PRKN: variants seen among roughly 807,000 people sequenced by gnomAD.
PRKN encodes the protein E3 ubiquitin-protein ligase parkin.
Under a neutral mutation model 59.5 loss-of-function variants are expected in PRKN, and 56 were observed. The ratio of observed to expected loss-of-function variants is 0.94; its 90% CI spans 0.76 to 1.18. PRKN has a LOEUF of 1.18. PRKN is among the 50% of genes most tolerant of loss of function. The pLI is 0.00. For synonymous variants in PRKN, 250 were observed against 222.1 expected (o/e 1.13, Z -1.12); for missense variants, 657 against 596.4 (o/e 1.10, Z -1.06).
intron 2 of PRKN, among the ~76,000 whole-genome samples, chr6:162,304,529 AT>A: frequency 8.6e-6 from 1 of 116,382 alleles, no homozygotes; most frequent in Non-Finnish European, 1.7e-5. Flanking sequence ...CTATCTATCT[AT>A]CTATCTATCT....
At chr6:162,603,971 G>A (rs1173028196) in intron 1 of PRKN, among the ~76,000 whole-genome samples, 2 of 152,134 alleles carry the variant, frequency 1.3e-5, no homozygotes, top group African/African-American at 2.4e-5. Flanking sequence ...TTAACACTGC[G>A]AGGATGGATA....
At chr6:162,275,962 C>T (rs1780619583) in intron 2 of PRKN, among the ~76,000 whole-genome samples, 1 of 152,150 alleles carries the variant, frequency 6.6e-6, no homozygotes, top group South Asian at 2.1e-4. Context: ...TGACAAGAGA[C>T]TCCAGTCTGC....
At chr6:162,338,937 G>T (rs1469742691) in intron 2 of PRKN, among the ~76,000 whole-genome samples, 4 of 150,228 alleles carry the variant, frequency 2.7e-5, no homozygotes, top group African/African-American at 9.8e-5. Flanking sequence ...GCCTCTGCCC[G>T]GCCGCGACCC....
intron 2 of PRKN, among the ~76,000 whole-genome samples, chr6:162,306,463 T>A (rs1583348825): frequency 6.6e-6 from 1 of 152,096 alleles, no homozygotes; most frequent in Non-Finnish European, 1.5e-5. Flanking sequence ...TCATTACATG[T>A]TATTCTTTCC....
intron 2 of PRKN, among the ~76,000 whole-genome samples, chr6:162,312,020 T>C (rs963042351): frequency 5.9e-5 from 9 of 152,002 alleles, no homozygotes; most frequent in African/African-American, 2.2e-4. Context: ...ACCATGCATA[T>C]ATGTGTGTGT....
At chr6:161,653,197 T>C (rs6455754) in intron 7 of PRKN, among the ~76,000 whole-genome samples, 110,189 of 151,816 alleles carry the variant, frequency 0.73, 41,823 homozygotes, top group African/African-American at 0.93. Flanking sequence ...CCCGTCTCTA[T>C]TAAAAATACA....
At chr6:162,376,339 G>T (rs1218124019) in intron 2 of PRKN, among the ~76,000 whole-genome samples, 3 of 152,086 alleles carry the variant, frequency 2.0e-5, no homozygotes, top group Non-Finnish European at 4.4e-5. Context: ...CACTAGAGTG[G>T]CAAATTGTAT....
rs766605196 is a variant in PRKN at position 161,825,309 on chromosome 6, TTTC to T, written c.735-39404_735-39402del. Among the ~76,000 whole-genome samples the T allele has an allele frequency of 1.6e-4, 24 of 151,854 alleles. No homozygotes were observed. The Middle Eastern group carries it at 0.01, about 65-fold the overall frequency. ...TTTAAAATTTATAATCTGTTGTAAT[TTTC>T]TTATTATCAATTATAGTAATACTTT... On this transcript the variant is annotated intron_variant, in intron 6 of 11. Transcript: ENST00000366898.
chr6:161,986,071 C>T (rs1781425387), intron 5 of PRKN, among the ~76,000 whole-genome samples: 1 of 152,162 alleles, frequency 6.6e-6, no homozygotes, highest in African/African-American at 2.4e-5. Flanking sequence ...GTCAGTTTAC[C>T]ATTGCCATGG....
intron 2 of PRKN, among the ~76,000 whole-genome samples, chr6:162,323,237 A>G (rs1325860527): frequency 1.3e-5 from 2 of 151,978 alleles, no homozygotes; most frequent in African/African-American, 4.8e-5. Flanking sequence ...TAAAAAAAAA[A>G]TGAACTTGAA....
intron 3 of PRKN, among the ~76,000 whole-genome samples, chr6:162,226,011 G>A (rs1295604095): frequency 6.8e-6 from 1 of 147,482 alleles, no homozygotes; most frequent in Admixed American, 6.8e-5. Context: ...TGGAAGCAAT[G>A]ATCCCCCAGG....
At chr6:161,896,030 T>C (rs1777613148) in intron 6 of PRKN, among the ~76,000 whole-genome samples, 1 of 151,820 alleles carries the variant, frequency 6.6e-6, no homozygotes, top group Non-Finnish European at 1.5e-5. Context: ...GAAGGGAAAA[T>C]CCCCTCAGCA....
intron 5 of PRKN, among the ~76,000 whole-genome samples, chr6:162,030,832 A>C (rs1164880402): frequency 6.6e-6 from 1 of 152,192 alleles, no homozygotes; most frequent in African/African-American, 2.4e-5. Context: ...AGAATTAACG[A>C]AACATCTCTA....
At chr6:162,385,139 C>T (rs1190375699) in intron 2 of PRKN, among the ~76,000 whole-genome samples, 1 of 152,050 alleles carries the variant, frequency 6.6e-6, no homozygotes, top group Non-Finnish European at 1.5e-5. Flanking sequence ...CATCAAGATA[C>T]TTATGGAACT....
rs549865157 is a variant in PRKN at position 162,552,513 on chromosome 6, G to A, written c.8-109040C>T. ...AAAATCCATCAAGTCTTTTTACTTC[G>A]GCAATTATGTGGAATGAGTTGTCAT... On this transcript the variant is annotated intron_variant, in intron 1 of 11. Transcript: ENST00000366898. Among the ~76,000 whole-genome samples, 11 of 152,126 alleles carry A rather than the reference G, an allele frequency of 7.2e-5. No homozygotes were observed. In the South Asian group the frequency reaches 8.3e-4, roughly 11 times the overall value.
In PRKN at chr6:161,553,573, C is replaced by T. The variant is rs1214800709; in HGVS notation, c.934-4570G>A. 2.0e-5 allele frequency among the ~76,000 whole-genome samples: 3 copies of T among 152,138 alleles called. No homozygotes were observed. The East Asian group carries it at 5.8e-4, about 29-fold the overall frequency. ...CTTAGCAGTCATTAATATTCAGTAA[C>T]TAGATTAATTTATTGGGATTGAAAA... On this transcript the variant is annotated intron_variant, in intron 8 of 11. Coordinates refer to ENST00000366898, the MANE Select transcript of PRKN (RefSeq NM_004562.3).
intron 9 of PRKN, among the ~76,000 whole-genome samples, chr6:161,491,476 C>T (rs935418183): frequency 6.6e-6 from 1 of 152,134 alleles, no homozygotes; most frequent in Non-Finnish European, 1.5e-5. Flanking sequence ...CTTGGAGAAA[C>T]AACTTACAAA....
intron 7 of PRKN, among the ~76,000 whole-genome samples, chr6:161,730,404 G>A (rs942110303): frequency 1.7e-4 from 25 of 150,282 alleles, no homozygotes; most frequent in South Asian, 4.2e-4. Context: ...GCATTCTGAC[G>A]TGCTGCATTC....
intron 7 of PRKN, among the ~76,000 whole-genome samples, chr6:161,667,211 ATC>A (rs1784757642): frequency 6.6e-6 from 1 of 152,096 alleles, no homozygotes; most frequent in Non-Finnish European, 1.5e-5. Context: ...ATTACCCTGG[ATC>A]TCACACCACT....
Sources: gnomAD v4.1 joint callset for allele counts (sites outside exome capture counted in the v4.1 genomes callset) on GRCh38, gnomAD v4.1.1 for gene constraint, MANE v1.5 for transcripts, NCBI Gene and HGNC (gene_info 2026-07-23, HGNC 2026-07-21) for gene names.